The following ELAVL4 variants were observed in gnomAD, a reference collection of about 807,000 sequenced individuals.
ELAVL4 encodes ELAV-like protein 4.
Under a neutral mutation model 35.6 loss-of-function variants are expected in ELAVL4, and 1 was observed. The ratio of observed to expected loss-of-function variants is 0.03; its 90% confidence interval spans 0.01 to 0.13. ELAVL4 has a LOEUF of 0.13. ELAVL4 is among the 10% of genes least tolerant of loss of function. The probability of loss-of-function intolerance (pLI) is 1.00; values close to 1 mark genes in which losing one functional copy is unlikely to be tolerated. For synonymous variants in ELAVL4, 156 were observed against 171.0 expected, an observed-to-expected ratio of 0.91 and a Z score of 0.69; for missense variants, 267 against 464.9, an observed-to-expected ratio of 0.57 and a Z score of 3.91.
At chr1:50,123,103 TG>T (rs748502917) in intron 1 of ELAVL4, among the ~76,000 whole-genome samples, 78 of 152,184 alleles carry the variant, frequency 5.1e-4, no homozygotes, top group Middle Eastern at 6.8e-3. Flanking sequence ...CAGTCCTCCT[TG>T]GGGTATGTAT....
intron 1 of ELAVL4, among the ~76,000 whole-genome samples, chr1:50,141,364 C>G (rs913172407): frequency 1.6e-4 from 25 of 152,098 alleles, no homozygotes; most frequent in Middle Eastern, 3.2e-3. Context: ...GGGTTTTTGC[C>G]ATTAAATCGA....
At chr1:50,049,729 C>T (rs1663254982) in intron 1 of ELAVL4, among the ~76,000 whole-genome samples, 1 of 152,130 alleles carries the variant, frequency 6.6e-6, no homozygotes, top group African/African-American at 2.4e-5. Context: ...ATCCTTGGGG[C>T]CGATGGGGTT....
chr1:50,164,861 A>G (rs1364220162), intron 2 of ELAVL4, among the ~76,000 whole-genome samples: 6 of 152,222 alleles, frequency 3.9e-5, no homozygotes, highest in Admixed American at 3.3e-4. Flanking sequence ...TGAATAGATA[A>G]TATTCATTAG....
At chr1:50,144,728 G>C (rs535778928) in intron 1 of ELAVL4, 1 of 724,660 alleles carries the variant, frequency 1.4e-6, no homozygotes, top group South Asian at 1.4e-5. Flanking sequence ...AGTTCCTACT[G>C]CATTCTAGTC....
At chr1:50,054,981 T>A (rs1663579220) in intron 1 of ELAVL4, among the ~76,000 whole-genome samples, 1 of 152,240 alleles carries the variant, frequency 6.6e-6, no homozygotes, top group Non-Finnish European at 1.5e-5. Flanking sequence ...GGAGGCCACA[T>A]CACCTATCCA....
At position 50,147,728 on chromosome 1, in the gene ELAVL4, A is replaced by G. The variant is rs371025493; in HGVS notation, c.250+2531A>G. Among the ~76,000 whole-genome samples the G allele has an allele frequency of 4.0e-4, 61 of 152,150 alleles. No homozygotes were observed. In the South Asian group the frequency reaches 7.9e-3, roughly 20 times the overall value. Reference sequence around the variant, plus strand: ...CCTCCAACACCTCCTACAGATCTCAATGCATCTCGATCCTGTGAAGTTTAC... The same window carrying G: ...CCTCCAACACCTCCTACAGATCTCAGTGCATCTCGATCCTGTGAAGTTTAC... On this transcript the variant is annotated intron_variant, in intron 2 of 6. Transcript: ENST00000371824.
Position 50,135,168 on chromosome 1 carries a change from C to G in ELAVL4, c.10-9789C>G, listed in dbSNP as rs561566642. 4.6e-5 allele frequency among the ~76,000 whole-genome samples: 7 copies of G among 152,212 alleles called. No individual in the cohort carries two copies. The East Asian group carries it at 1.4e-3, about 29-fold the overall frequency. ...TACTTTTGGCATGCCTGGTGTTCAT[C>G]TCCAGAGCAGAAGTTGCTGTTTGAA... On this transcript the variant is annotated intron_variant, in intron 1 of 6. Transcript: ENST00000371824.
chr1:50,171,786 T>C (rs755050866), intron 2 of ELAVL4, among the ~76,000 whole-genome samples: 18 of 152,212 alleles, frequency 1.2e-4, no homozygotes, highest in Admixed American at 3.3e-4. Flanking sequence ...TTTGGGTAGA[T>C]TTAAGCCTGC....
intron 1 of ELAVL4, among the ~76,000 whole-genome samples, chr1:50,091,203 A>G (rs888525189): frequency 6.6e-6 from 1 of 152,190 alleles, no homozygotes; most frequent in South Asian, 2.1e-4. Context: ...AGCTTGACGT[A>G]TTGGAGATTT....
At position 50,091,265 on chromosome 1, in the gene ELAVL4, A is replaced by T. The variant is rs138316591; in HGVS notation, c.18+43083A>T. ...CTCGCCACCTTCTGCCATTGCAGAT[A>T]CGCTTACAGGAAACCGTAAGTGGAT... On this transcript the variant is annotated intron_variant, in intron 1 of 6. Transcript: ENST00000448907. 1.1e-3 allele frequency among the ~76,000 whole-genome samples: 161 copies of T among 152,334 alleles called. 2 individuals are homozygous for T. The Middle Eastern group carries it at 0.017, about 16-fold the overall frequency.
In ELAVL4 at chr1:50,195,795, G is replaced by A; in HGVS notation, c.734+9G>A. The A allele has an allele frequency of 6.2e-7, 1 of 1,614,010 alleles. No individual in the cohort carries two copies. Among genetic ancestry groups the A allele is most frequent in the Non-Finnish European group, 8.5e-7 (1 of 1,179,868 alleles). Reference sequence around the variant, plus strand: ...CAGGCTCAGAGGTTCAGGTAGGCATGCCCAAAGAGGAAGAAGCCCTGCTAC... The same window carrying A: ...CAGGCTCAGAGGTTCAGGTAGGCATACCCAAAGAGGAAGAAGCCCTGCTAC... On this transcript the variant is annotated intron_variant, in intron 5 of 6. Coordinates refer to ENST00000371824, the MANE Select transcript of ELAVL4 (RefSeq NM_001144774.3).
intron 1 of ELAVL4, among the ~76,000 whole-genome samples, chr1:50,098,051 A>G (rs1219139067): frequency 6.6e-6 from 1 of 152,232 alleles, no homozygotes; most frequent in Non-Finnish European, 1.5e-5. Flanking sequence ...CATAACATAT[A>G]TGACACACAT....
intron 1 of ELAVL4, among the ~76,000 whole-genome samples, chr1:50,075,129 G>A (rs1184028541): frequency 2.0e-5 from 3 of 152,102 alleles, no homozygotes; most frequent in Non-Finnish European, 4.4e-5. Flanking sequence ...GTGTCAGATG[G>A]GGAATTCCAT....
At chr1:50,176,964 G>T in intron 2 of ELAVL4, 125 bp from the exon 3 acceptor site, 1 of 698,312 alleles carries the variant, frequency 1.4e-6, no homozygotes, top group South Asian at 2.0e-5. Context: ...TACCAAAGGA[G>T]AGTTTTGACT....
chr1:50,107,765 A>C (rs1165312415), upstream of ELAVL4, among the ~76,000 whole-genome samples: 1 of 152,230 alleles, frequency 6.6e-6, no homozygotes, highest in African/African-American at 2.4e-5. Flanking sequence ...AGTCTTTTGC[A>C]TAGGTGTGAA....
chr1:50,197,904 C>T (rs1644153526), intron 6 of ELAVL4, among the ~76,000 whole-genome samples: 1 of 152,200 alleles, frequency 6.6e-6, no homozygotes, highest in African/African-American at 2.4e-5. Context: ...TTGTGGTTGA[C>T]AATCTTATGA....
At chr1:50,172,948 C>A (rs551840597) in intron 2 of ELAVL4, among the ~76,000 whole-genome samples, 1 of 152,092 alleles carries the variant, frequency 6.6e-6, no homozygotes, top group Non-Finnish European at 1.5e-5. Context: ...TGTTTTCCAG[C>A]CCCCGGAGTC....
At chr1:50,200,545 G>A (rs1353611558) in intron 6 of ELAVL4, among the ~76,000 whole-genome samples, 1 of 152,072 alleles carries the variant, frequency 6.6e-6, no homozygotes, top group Non-Finnish European at 1.5e-5. Context: ...GTTGGGGTGC[G>A]CTATGAGCAT....
chr1:50,203,194 G>A lies in ELAVL4; in HGVS notation c.*2016G>A, dbSNP rs1319353806. On this transcript the variant is annotated 3_prime_UTR_variant, in exon 7 of 7. Transcript: ENST00000371824. Reference sequence around the variant, plus strand: ...AGTTTAGTCTTAATGGTAATAAAACGTTATGGTTATTTATAACTTGTGCTT... The same window carrying A: ...AGTTTAGTCTTAATGGTAATAAAACATTATGGTTATTTATAACTTGTGCTT... 3.3e-5 allele frequency: 5 copies of A among 151,956 alleles called. No homozygotes were observed. The highest frequency in any genetic ancestry group is 6.6e-5 in the Admixed American group (1 of 15,254). The allele number at this position is 151,956 out of a possible 1,614,324, so 9.4% of individuals were successfully genotyped here.
Sources: allele counts gnomAD v4.1 joint callset (sites outside exome capture counted in the v4.1 genomes callset), GRCh38; gene constraint gnomAD v4.1.1; transcripts MANE v1.5; gene names NCBI Gene and HGNC (gene_info 2026-07-23, HGNC 2026-07-21).